Variants in DOCK2 observed in about 807,000 individuals in gnomAD.
The protein encoded by DOCK2 is dedicator of cytokinesis 2, also known as dedicator of cytokinesis protein 2.
DOCK2 carries 87 observed loss-of-function variants against 248.9 expected under a neutral mutation model. The observed-to-expected ratio is 0.35, with a 90% confidence interval of 0.29 to 0.42. The LOEUF (loss-of-function observed/expected upper bound fraction) is 0.42, where lower values mean the gene tolerates loss of function less well. Ranked by LOEUF, DOCK2 falls within the 10% of genes least tolerant of loss-of-function variation. The pLI is 1.00. For synonymous variants in DOCK2, 805 were observed against 821.6 expected (o/e 0.98, Z 0.35); for missense variants, 1,747 against 2,300.2 (o/e 0.76, Z 4.92).
At chr5:169,747,025 C>T (rs1026051925) in intron 22 of DOCK2, among the ~76,000 whole-genome samples, 1 of 152,170 alleles carries the variant, frequency 6.6e-6, no homozygotes, top group Non-Finnish European at 1.5e-5. Flanking sequence ...AATATTTCTC[C>T]TTGATATTTC....
At chr5:169,655,805 T>G (rs1268089983) in intron 2 of DOCK2, among the ~76,000 whole-genome samples, 3 of 152,158 alleles carry the variant, frequency 2.0e-5, no homozygotes, top group African/African-American at 7.2e-5. Flanking sequence ...TGTGGGCAAA[T>G]AATTTGAAAT....
At chr5:169,998,101 C>CT in intron 30 of DOCK2, 1 of 454,624 alleles carries the variant, frequency 2.2e-6, no homozygotes, top group Non-Finnish European at 4.4e-6. Flanking sequence ...CTGAGGATCA[C>CT]CCCCACTCAC....
intron 25 of DOCK2, among the ~76,000 whole-genome samples, chr5:169,762,286 A>G (rs1764532329): frequency 6.6e-6 from 1 of 152,178 alleles, no homozygotes; most frequent in South Asian, 2.1e-4. Flanking sequence ...TATATGCTAT[A>G]TACTCTTTAT....
At chr5:169,874,659 G>A (rs759629848) in intron 27 of DOCK2, among the ~76,000 whole-genome samples, 4 of 152,078 alleles carry the variant, frequency 2.6e-5, no homozygotes, top group South Asian at 2.1e-4. Flanking sequence ...CGTTCTTAGC[G>A]TTTGGTCCCT....
chr5:169,862,512 A>C (rs1044576164), intron 27 of DOCK2, among the ~76,000 whole-genome samples: 1 of 152,160 alleles, frequency 6.6e-6, no homozygotes, highest in African/African-American at 2.4e-5. Context: ...ACAGGAAAAA[A>C]AAAATCTGTG....
chr5:169,939,226 T>A (rs975474444), intron 27 of DOCK2, among the ~76,000 whole-genome samples: 4 of 150,434 alleles, frequency 2.7e-5, no homozygotes, highest in Non-Finnish European at 4.4e-5. Flanking sequence ...TTAAACTTTT[T>A]AAGCTCTTTT....
At chr5:169,881,363 G>A in intron 27 of DOCK2, 1 of 1,550,986 alleles carries the variant, frequency 6.4e-7, no homozygotes, top group Non-Finnish European at 8.7e-7. Context: ...CTTGTGGCCA[G>A]GTACCTGTAT....
intron 44 of DOCK2, among the ~76,000 whole-genome samples, chr5:170,065,435 A>G (rs1348209884): frequency 2.0e-5 from 3 of 152,216 alleles, no homozygotes; most frequent in South Asian, 2.1e-4. Context: ...AATGGATTAA[A>G]TTCAACAATC....
At chr5:169,699,246 T>G in intron 11 of DOCK2, 136 bp from the exon 12 acceptor site, 1 of 622,142 alleles carries the variant, frequency 1.6e-6, no homozygotes, top group Non-Finnish European at 2.6e-6. Context: ...CTTGATGGCA[T>G]GTATATACCC....
chr5:169,857,061 C>G (rs148519805), intron 27 of DOCK2, among the ~76,000 whole-genome samples: 18 of 152,264 alleles, frequency 1.2e-4, no homozygotes, highest in African/African-American at 4.3e-4. Flanking sequence ...ATTTTACTGT[C>G]TTTTCATTTT....
In DOCK2 at chr5:169,637,311, A is replaced by C; in HGVS notation, c.-16A>C. On this transcript the variant is annotated 5_prime_UTR_variant, in exon 1 of 52. Transcript: ENST00000520908. ...GACGGCTTCCCCACGGGAGGACGCGAGGCCCCGGCCCAGCCATGGCCCCCT... is the reference window on the plus strand; with the variant it reads ...GACGGCTTCCCCACGGGAGGACGCGCGGCCCCGGCCCAGCCATGGCCCCCT... 2 of 1,428,070 alleles carry C rather than the reference A, an allele frequency of 1.4e-6. No homozygotes were observed. Among genetic ancestry groups the C allele is most frequent in the South Asian group, 1.4e-5 (1 of 70,678 alleles). The allele number at this position is 1,428,070 out of a possible 1,614,324, so 88.5% of individuals were successfully genotyped here.
At chr5:169,829,584 C>T (rs922463438) in intron 26 of DOCK2, among the ~76,000 whole-genome samples, 8 of 152,060 alleles carry the variant, frequency 5.3e-5, no homozygotes, top group Admixed American at 4.6e-4. Flanking sequence ...ACGTTAGGAC[C>T]GTGTAGGTAC....
intron 25 of DOCK2, among the ~76,000 whole-genome samples, chr5:169,790,836 C>T (rs542562260): frequency 4.6e-5 from 7 of 152,294 alleles, no homozygotes; most frequent in African/African-American, 1.7e-4. Context: ...TTACACACAG[C>T]CTGGTGGTAG....
rs535249709 is a variant in DOCK2 at position 169,912,486 on chromosome 5, T to C, written c.2800-70582T>C. 6.6e-5 allele frequency among the ~76,000 whole-genome samples: 10 copies of C among 152,278 alleles called. No homozygotes were observed. In the South Asian group the frequency reaches 2.1e-3, roughly 32 times the overall value. ...GTGTATGTGTGTGTGCACATATGTG[T>C]TTTCTTAGGGTCTTATTGAGACATC... On this transcript the variant is annotated intron_variant, in intron 27 of 51. Transcript: ENST00000520908.
chr5:169,832,898 A>T (rs929108109), intron 26 of DOCK2, among the ~76,000 whole-genome samples: 1 of 152,130 alleles, frequency 6.6e-6, no homozygotes, highest in Non-Finnish European at 1.5e-5. Context: ...TGTAGCTGTG[A>T]CCTTGTGATC....
At chr5:169,768,150 C>T (rs1419744432) in intron 25 of DOCK2, among the ~76,000 whole-genome samples, 1 of 152,216 alleles carries the variant, frequency 6.6e-6, no homozygotes, top group African/African-American at 2.4e-5. Flanking sequence ...GCCAGTTCCA[C>T]CCACGGTCCG....
intron 22 of DOCK2, among the ~76,000 whole-genome samples, chr5:169,745,788 G>A (rs1209786169): frequency 5.3e-5 from 8 of 152,164 alleles, no homozygotes; most frequent in Admixed American, 2.0e-4. Context: ...AGTGCCTGCC[G>A]GGCAGTGGGG....
intron 27 of DOCK2, among the ~76,000 whole-genome samples, chr5:169,974,287 T>C (rs893132387): frequency 1.3e-5 from 2 of 152,202 alleles, no homozygotes; most frequent in Non-Finnish European, 2.9e-5. Flanking sequence ...ATAGTAAGTA[T>C]CCTATAACTG....
intron 23 of DOCK2, among the ~76,000 whole-genome samples, chr5:169,748,091 G>T (rs262839): frequency 0.12 from 18,135 of 152,154 alleles, 1,444 homozygotes; most frequent in African/African-American, 0.22. Flanking sequence ...GGGAAGCTGG[G>T]AGTGCCTGAT....
Sources: gnomAD v4.1 joint callset for allele counts (sites outside exome capture counted in the v4.1 genomes callset) on GRCh38, gnomAD v4.1.1 for gene constraint, MANE v1.5 for transcripts, NCBI Gene and HGNC (gene_info 2026-07-23, HGNC 2026-07-21) for gene names.